Variants in LMBRD1 observed in about 807,000 individuals in gnomAD.
LMBRD1 encodes LMBR1 domain containing 1.
A neutral mutation model predicts 74.8 loss-of-function variants in LMBRD1; 64 were observed. That is an observed-to-expected ratio of 0.86 (90% CI 0.70 to 1.05). LMBRD1 has a LOEUF of 1.05. Ranked by LOEUF, LMBRD1 falls within the 50% of genes least tolerant of loss-of-function variation. The probability of loss-of-function intolerance (pLI) is 0.00; values close to 1 mark genes in which losing one functional copy is unlikely to be tolerated. For synonymous variants in LMBRD1, 204 were observed against 216.3 expected, an observed-to-expected ratio of 0.94 and a Z score of 0.50; for missense variants, 652 against 645.9, an observed-to-expected ratio of 1.01 and a Z score of -0.10.
chr6:69,684,598 T>C (rs1322598906), intron 14 of LMBRD1, among the ~76,000 whole-genome samples: 1 of 152,132 alleles, frequency 6.6e-6, no homozygotes, highest in Non-Finnish European at 1.5e-5. Flanking sequence ...TTTTCAGATA[T>C]GTATTTCATA....
chr6:69,759,291 A>G (rs1358097895), intron 3 of LMBRD1, among the ~76,000 whole-genome samples: 1 of 152,156 alleles, frequency 6.6e-6, no homozygotes, highest in Non-Finnish European at 1.5e-5. Flanking sequence ...GGCATTCTCT[A>G]AAATGTAGAC....
intron 9 of LMBRD1, among the ~76,000 whole-genome samples, chr6:69,711,654 A>G (rs1766386460): frequency 6.6e-6 from 1 of 152,168 alleles, no homozygotes; most frequent in African/African-American, 2.4e-5. Context: ...AGAAGATTTA[A>G]AAAGTGATTA....
At chr6:69,693,011 G>A (rs1437795377) in intron 14 of LMBRD1, among the ~76,000 whole-genome samples, 1 of 151,850 alleles carries the variant, frequency 6.6e-6, no homozygotes, top group African/African-American at 2.4e-5. Context: ...AATGTACATG[G>A]TCTTTTAAAT....
chr6:69,693,767 T>C (rs1411283819), intron 14 of LMBRD1, among the ~76,000 whole-genome samples: 1 of 151,904 alleles, frequency 6.6e-6, no homozygotes, highest in Non-Finnish European at 1.5e-5. Context: ...CCTACCCTTA[T>C]GTGTCTAATC....
intron 9 of LMBRD1, among the ~76,000 whole-genome samples, chr6:69,702,976 C>A (rs1355036828): frequency 2.6e-5 from 4 of 152,038 alleles, no homozygotes; most frequent in South Asian, 4.2e-4. Flanking sequence ...TAATTTTGGA[C>A]CTGTGCTCTG....
intron 7 of LMBRD1, among the ~76,000 whole-genome samples, chr6:69,737,568 C>T (rs1202660865): frequency 6.7e-6 from 1 of 150,100 alleles, no homozygotes; most frequent in Non-Finnish European, 1.5e-5. Flanking sequence ...TATTAATATG[C>T]TTATATTATA....
At chr6:69,751,858 T>C (rs1765166074) in intron 4 of LMBRD1, among the ~76,000 whole-genome samples, 2 of 152,362 alleles carry the variant, frequency 1.3e-5, no homozygotes, top group South Asian at 2.1e-4. Context: ...AATTATTTAC[T>C]ACCTGGCCTT....
At chr6:69,780,280 C>G (rs1316693131) in intron 3 of LMBRD1, among the ~76,000 whole-genome samples, 2 of 152,118 alleles carry the variant, frequency 1.3e-5, no homozygotes, top group East Asian at 3.9e-4. Flanking sequence ...TGGAGCTCCC[C>G]TCCCTCTGTC....
At chr6:69,737,646 A>G (rs1254214772) in intron 7 of LMBRD1, among the ~76,000 whole-genome samples, 1 of 150,334 alleles carries the variant, frequency 6.7e-6, no homozygotes, top group Non-Finnish European at 1.5e-5. Flanking sequence ...ATTTATAAGC[A>G]TATCAGGTAT....
chr6:69,702,041 A>G, intron 9 of LMBRD1, 88 bp from the exon 10 acceptor site: 1 of 784,374 alleles, frequency 1.3e-6, no homozygotes, highest in South Asian at 1.5e-5. Context: ...GAGTTGCTAG[A>G]ATATGACAAT....
chr6:69,786,142 A>G (rs1765939525), intron 2 of LMBRD1, among the ~76,000 whole-genome samples: 1 of 152,224 alleles, frequency 6.6e-6, no homozygotes, highest in African/African-American at 2.4e-5. Context: ...GAGAAAAGCA[A>G]CCTCATTTGC....
At chr6:69,775,442 A>G (rs1765679955) in intron 3 of LMBRD1, among the ~76,000 whole-genome samples, 2 of 152,192 alleles carry the variant, frequency 1.3e-5, no homozygotes, top group South Asian at 4.1e-4. Context: ...CACAACATCA[A>G]AACTGTTTGC....
At chr6:69,782,697 A>G (rs1008239703) in intron 2 of LMBRD1, among the ~76,000 whole-genome samples, 25 of 151,470 alleles carry the variant, frequency 1.7e-4, no homozygotes, top group Non-Finnish European at 7.4e-5. Flanking sequence ...CAAAAAAAAA[A>G]AGAGAGAGAG....
chr6:69,766,566 TTC>T (rs1234631307), intron 3 of LMBRD1, among the ~76,000 whole-genome samples: 1 of 151,946 alleles, frequency 6.6e-6, no homozygotes, highest in African/African-American at 2.4e-5. Context: ...ATTTTAAGAA[TTC>T]TGTGTCTACA....
At chr6:69,749,271 T>A in intron 5 of LMBRD1, 70 bp downstream of exon 5, 3 of 1,220,164 alleles carry the variant, frequency 2.5e-6, no homozygotes, top group Non-Finnish European at 3.5e-6. Flanking sequence ...TTCTGAATGA[T>A]CCTTTTATTT....
chr6:69,719,874 C>T (rs1021198840), intron 7 of LMBRD1, among the ~76,000 whole-genome samples: 15 of 152,122 alleles, frequency 9.9e-5, no homozygotes, highest in South Asian at 6.2e-4. Flanking sequence ...CACTTTACCC[C>T]GTGCCCCCTG....
chr6:69,734,831 T>C (rs1455247664), intron 7 of LMBRD1, among the ~76,000 whole-genome samples: 1 of 152,192 alleles, frequency 6.6e-6, no homozygotes, highest in East Asian at 1.9e-4. Flanking sequence ...CTGAAATAAA[T>C]GTAAGCTCTA....
rs1267361076 is a variant in LMBRD1, at chr6:69,768,253, G to A, written c.307+12241C>T. Among the ~76,000 whole-genome samples, 2 of 151,410 alleles carry A rather than the reference G, an allele frequency of 1.3e-5. 1 individual carries two copies. On this transcript the variant is annotated intron_variant, in intron 3 of 15. Coordinates refer to ENST00000649934, the MANE Select transcript of LMBRD1 (RefSeq NM_018368.4). ...TATTATGTCTTTTTTGTTGTTCCAG[G>A]CTTCTCCTTTACTACCTTATTTTGT...
chr6:69,701,381 G>C, intron 11 of LMBRD1, 62 bp downstream of exon 11: 1 of 943,484 alleles, frequency 1.1e-6, no homozygotes, highest in Non-Finnish European at 1.7e-6. Flanking sequence ...CAGAATGTTT[G>C]CTAGACTCTA....
Sources: gnomAD v4.1 joint callset for allele counts (sites outside exome capture counted in the v4.1 genomes callset) on GRCh38, gnomAD v4.1.1 for gene constraint, MANE v1.5 for transcripts, NCBI Gene and HGNC (gene_info 2026-07-23, HGNC 2026-07-21) for gene names.